CDC42BPA: variants seen among roughly 807,000 people sequenced by gnomAD.
The protein encoded by CDC42BPA is CDC42 binding protein kinase alpha.
Under a neutral mutation model 223.5 loss-of-function variants are expected in CDC42BPA, and 80 were observed. The ratio of observed to expected loss-of-function variants is 0.36; its 90% CI spans 0.30 to 0.43. CDC42BPA has a LOEUF of 0.43. Ranked by LOEUF, CDC42BPA falls within the 20% of genes least tolerant of loss-of-function variation. CDC42BPA has a pLI of 1.00. For missense variants in CDC42BPA, 1,743 were observed against 2,099.9 expected (o/e 0.83, Z 3.32); for synonymous variants, 694 against 718.6 (o/e 0.97, Z 0.55).
intron 2 of CDC42BPA, among the ~76,000 whole-genome samples, chr1:227,215,208 A>C (rs1044492955): frequency 6.6e-6 from 1 of 152,242 alleles, no homozygotes. Flanking sequence ...ACTGTGCAGT[A>C]GGAATAATGA....
At chr1:227,255,315 C>G (rs971429441) in intron 1 of CDC42BPA, among the ~76,000 whole-genome samples, 1 of 152,112 alleles carries the variant, frequency 6.6e-6, no homozygotes, top group Non-Finnish European at 1.5e-5. Flanking sequence ...GGGAGTGAAA[C>G]AGATAGGTCA....
At chr1:227,142,776 C>T (rs371121226) in intron 9 of CDC42BPA, among the ~76,000 whole-genome samples, 169 bp downstream of exon 9, 3 of 152,058 alleles carry the variant, frequency 2.0e-5, no homozygotes, top group Non-Finnish European at 2.9e-5. Context: ...CCTGCCACCA[C>T]GCCCACCTAA....
intron 34 of CDC42BPA, among the ~76,000 whole-genome samples, chr1:227,009,214 T>TA (rs1248970878): frequency 6.6e-6 from 1 of 152,164 alleles, no homozygotes; most frequent in Non-Finnish European, 1.5e-5. Context: ...AAAGTTTTGT[T>TA]AAAAAACAGT....
At chr1:227,233,662 G>T (rs999149972) in intron 2 of CDC42BPA, among the ~76,000 whole-genome samples, 1 of 152,092 alleles carries the variant, frequency 6.6e-6, no homozygotes, top group African/African-American at 2.4e-5. Flanking sequence ...GGCCAGGCAC[G>T]GTGGCTCACG....
At chr1:227,189,870 T>TA (rs748515356) in intron 5 of CDC42BPA, among the ~76,000 whole-genome samples, 1 of 152,180 alleles carries the variant, frequency 6.6e-6, no homozygotes, top group Non-Finnish European at 1.5e-5. Context: ...TCCACATCCC[T>TA]ATATTTTAAG....
intron 10 of CDC42BPA, among the ~76,000 whole-genome samples, chr1:227,131,590 C>T (rs1330236300): frequency 6.6e-6 from 1 of 152,056 alleles, no homozygotes; most frequent in Non-Finnish European, 1.5e-5. Context: ...GGAACATCAC[C>T]GTGTGATAAA....
rs1572259250 is a variant in CDC42BPA, at chr1:227,193,558, T to C, written c.599+228A>G. On this transcript the variant is annotated intron_variant, in intron 5 of 36. Coordinates refer to ENST00000366766, the MANE Select transcript of CDC42BPA (RefSeq NM_001394014.1). ...CTATTATTCTAGGAGTGACAACTTT[T>C]AGATACTATACATGTACATGTATGT... 9.0e-6 allele frequency: 4 copies of C among 445,262 alleles called. No individual in the cohort carries two copies. In the East Asian group the frequency reaches 1.5e-4, roughly 17 times the overall value. 27.6% of individuals were successfully genotyped at this position (445,262 alleles called of 1,614,324 possible).
chr1:227,039,631 T>C (rs1295808560), intron 24 of CDC42BPA, among the ~76,000 whole-genome samples: 1 of 152,098 alleles, frequency 6.6e-6, no homozygotes, highest in Non-Finnish European at 1.5e-5. Flanking sequence ...GCCTTTCCCC[T>C]ATCCACTATT....
chr1:227,218,273 T>C (rs1675225192), intron 2 of CDC42BPA, among the ~76,000 whole-genome samples: 1 of 152,252 alleles, frequency 6.6e-6, no homozygotes, highest in African/African-American at 2.4e-5. Flanking sequence ...CTCTGCTCTC[T>C]TAACAGGCAT....
At chr1:227,285,907 G>T (rs538742021) in intron 1 of CDC42BPA, among the ~76,000 whole-genome samples, 1 of 152,132 alleles carries the variant, frequency 6.6e-6, no homozygotes, top group Non-Finnish European at 1.5e-5. Flanking sequence ...TCAGAGAGAA[G>T]AACAGCATCC....
At chr1:227,001,633 G>A (rs992839035) in intron 35 of CDC42BPA, among the ~76,000 whole-genome samples, 1 of 152,188 alleles carries the variant, frequency 6.6e-6, no homozygotes. Flanking sequence ...TGGGCTGGGC[G>A]CGGTGGGTCA....
intron 14 of CDC42BPA, chr1:227,112,051 A>C (rs1202044758): frequency 3.5e-6 from 1 of 289,266 alleles, no homozygotes; most frequent in Non-Finnish European, 6.3e-6. Context: ...TTACCAGTAC[A>C]TCTTGTGTAG....
Position 227,029,037 on chromosome 1 carries a change from C to T in CDC42BPA, c.4052G>A (p.Cys1351Tyr). The stretch of plus-strand genomic sequence containing the variant: ...CTGCCTTTTCATAGCCACACACAGG[C>T]ATGTGAGAGCTCCATGGCGCACCTT... ...SGKVRHGALTCLCVAMKRQVL... is the reference protein window; with the variant it reads ...SGKVRHGALTYLCVAMKRQVL... Residue 1351 changes from cysteine (C) to tyrosine (Y), a missense_variant, in exon 30 of 37, where the codon TGC becomes TAC. Physicochemically the swap from Cys to Tyr is radical, Grantham distance 194. Transcript: ENST00000366766. The T allele has an allele frequency of 6.2e-7, 1 of 1,614,116 alleles. No homozygotes were observed. Among genetic ancestry groups the T allele is most frequent in the Non-Finnish European group, 8.5e-7 (1 of 1,180,028 alleles).
intron 23 of CDC42BPA, among the ~76,000 whole-genome samples, chr1:227,044,964 TAC>T (rs1672130633): frequency 6.6e-6 from 1 of 152,308 alleles, no homozygotes; most frequent in East Asian, 1.9e-4. Flanking sequence ...GGAATCTATT[TAC>T]CACATGGTCA....
chr1:227,258,932 A>C (rs1683575688), intron 1 of CDC42BPA, among the ~76,000 whole-genome samples: 1 of 151,180 alleles, frequency 6.6e-6, no homozygotes, highest in Non-Finnish European at 1.5e-5. Context: ...ACTGCCCTTG[A>C]CAAAAATCAA....
intron 23 of CDC42BPA, among the ~76,000 whole-genome samples, chr1:227,044,265 T>C (rs964666613): frequency 6.6e-6 from 1 of 152,204 alleles, no homozygotes; most frequent in Non-Finnish European, 1.5e-5. Flanking sequence ...GTGGTAAACA[T>C]TGCAGATATC....
In CDC42BPA at chr1:227,258,446, T is replaced by A. The variant is rs940269930; in HGVS notation, c.179-4291A>T. Among the ~76,000 whole-genome samples the A allele has an allele frequency of 1.4e-4, 21 of 150,814 alleles. 1 individual carries two copies. The highest frequency in any genetic ancestry group is 3.3e-4 in the Admixed American group (5 of 15,226). ...AATATGAACACAGAACAATAAATAT[T>A]AACAATATTAAGTGTCTATACAGGG... is the stretch of plus-strand genomic sequence containing the variant. On this transcript the variant is annotated intron_variant, in intron 1 of 36. Coordinates refer to ENST00000366766, the MANE Select transcript of CDC42BPA (RefSeq NM_001394014.1).
Position 226,993,996 on chromosome 1 carries a change from G to T in CDC42BPA, c.*272C>A, listed in dbSNP as rs1423855839. 5.5e-6 allele frequency: 2 copies of T among 362,858 alleles called. No homozygotes were observed. Among genetic ancestry groups the T allele is most frequent in the Non-Finnish European group, 1.0e-5 (2 of 196,586 alleles). The allele number at this position is 362,858 out of a possible 1,614,324, so 22.5% of individuals were successfully genotyped here. A position where few individuals can be genotyped will look rare whatever the true frequency, so the allele number is the denominator to read the frequency against. On this transcript the variant is annotated 3_prime_UTR_variant, in exon 37 of 37. Coordinates refer to ENST00000366766, the MANE Select transcript of CDC42BPA (RefSeq NM_001394014.1). ...TCTATTTAAGCTACCTTTGGGAGTA[G>T]GGGTAAAATGTTACTGAAAGCAACT... is the stretch of plus-strand genomic sequence containing the variant.
chr1:227,286,067 T>C (rs532373503), intron 1 of CDC42BPA, among the ~76,000 whole-genome samples: 5 of 152,286 alleles, frequency 3.3e-5, no homozygotes, highest in African/African-American at 1.2e-4. Flanking sequence ...ATATCGGCAC[T>C]TACCTACCTT....
Sources: allele counts gnomAD v4.1 joint callset (sites outside exome capture counted in the v4.1 genomes callset), GRCh38; gene constraint gnomAD v4.1.1; transcripts MANE v1.5; gene names NCBI Gene and HGNC (gene_info 2026-07-23, HGNC 2026-07-21).